The following NALF1 variants were observed in gnomAD, a reference collection of about 807,000 sequenced individuals.
NALF1 encodes the protein NALCN channel auxiliary factor 1, also known as family with sequence similarity 155 member A.
In NALF1, 3 loss-of-function variants were observed where a neutral mutation model predicts 48.4. The observed-to-expected ratio is 0.06, with a 90% CI of 0.03 to 0.16. The LOEUF (loss-of-function observed/expected upper bound fraction) is 0.16. Ranked by LOEUF, NALF1 falls within the 10% of genes least tolerant of loss-of-function variation. The pLI, the probability that NALF1 is intolerant of heterozygous loss-of-function variation, is 1.00. For synonymous variants in NALF1, 262 were observed against 245.7 expected (o/e 1.07, Z -0.62); for missense variants, 526 against 571.5 (o/e 0.92, Z 0.81).
intron 1 of NALF1, among the ~76,000 whole-genome samples, chr13:107,229,665 C>T (rs569850722): frequency 1.3e-5 from 2 of 152,180 alleles, no homozygotes; most frequent in African/African-American, 4.8e-5. Context: ...ATATTTTTAT[C>T]CCTGGTGTTA....
At chr13:107,694,126 T>A in intron 1 of NALF1, among the ~76,000 whole-genome samples, 1 of 152,184 alleles carries the variant, frequency 6.6e-6, no homozygotes, top group East Asian at 1.9e-4. Context: ...GAAGCAGTAC[T>A]TGTTAGAAAC....
At chr13:107,219,072 G>A (rs1268859001) in intron 1 of NALF1, among the ~76,000 whole-genome samples, 1 of 152,192 alleles carries the variant, frequency 6.6e-6, no homozygotes, top group East Asian at 1.9e-4. Context: ...GGATTATCAT[G>A]TTAGTGACGA....
chr13:107,507,264 G>C (rs2139084053), intron 1 of NALF1, among the ~76,000 whole-genome samples: 1 of 152,174 alleles, frequency 6.6e-6, no homozygotes, highest in East Asian at 1.9e-4. Context: ...CTACAGGTTT[G>C]TAGGTAACTG....
At chr13:107,535,358 A>T in intron 1 of NALF1, among the ~76,000 whole-genome samples, 1 of 152,102 alleles carries the variant, frequency 6.6e-6, no homozygotes. Context: ...ACGTCCCATC[A>T]ATACCTAATT....
chr13:107,533,158 G>A (rs1876694109), intron 1 of NALF1, among the ~76,000 whole-genome samples: 1 of 152,000 alleles, frequency 6.6e-6, no homozygotes, highest in Non-Finnish European at 1.5e-5. Flanking sequence ...GCTCAGTTTT[G>A]CCCCTTTCTT....
rs531744349 is a variant in NALF1, at chr13:107,690,898, G to A, written c.915+174784C>T. On this transcript the variant is annotated intron_variant, in intron 1 of 2. Transcript: ENST00000375915. ...TTCACCCATGCATTCTTACGGTGAT[G>A]TGGAAAATCTATTTAGCTTTACATA... 2.6e-5 allele frequency among the ~76,000 whole-genome samples: 4 copies of A among 152,290 alleles called. No homozygotes were observed. The South Asian group carries it at 8.3e-4, about 32-fold the overall frequency.
chr13:107,359,494 A>T (rs559587859), intron 1 of NALF1, among the ~76,000 whole-genome samples: 1 of 152,280 alleles, frequency 6.6e-6, no homozygotes, highest in South Asian at 2.1e-4. Context: ...TTAAAAGTGG[A>T]CAGTTTAATA....
Position 107,310,739 on chromosome 13 carries a change from G to C in NALF1, c.916-99984C>G, listed in dbSNP as rs772621739. 2.0e-5 allele frequency among the ~76,000 whole-genome samples: 3 copies of C among 152,032 alleles called. No homozygotes were observed. The East Asian group carries it at 5.8e-4, about 30-fold the overall frequency. ...GTCGCCCAGTCTGGAGTACAGTAGCGTGATCTTGGCTCACTGCAACCTCTG... is the reference window on the plus strand; with the variant it reads ...GTCGCCCAGTCTGGAGTACAGTAGCCTGATCTTGGCTCACTGCAACCTCTG... On this transcript the variant is annotated intron_variant, in intron 1 of 2. Coordinates refer to ENST00000375915, the MANE Select transcript of NALF1 (RefSeq NM_001080396.3).
chr13:107,358,331 C>G (rs1440156340), intron 1 of NALF1, among the ~76,000 whole-genome samples: 1 of 152,102 alleles, frequency 6.6e-6, no homozygotes, highest in Non-Finnish European at 1.5e-5. Context: ...TCTGCAGTTG[C>G]CAAGAGAAGA....
chr13:107,702,219 T>C (rs1329224306), intron 1 of NALF1, among the ~76,000 whole-genome samples: 3 of 151,442 alleles, frequency 2.0e-5, no homozygotes, highest in Non-Finnish European at 4.4e-5. Flanking sequence ...CATTAGCGAA[T>C]TTATTAAACT....
chr13:107,262,388 C>A (rs976136662), intron 1 of NALF1, among the ~76,000 whole-genome samples: 2 of 152,102 alleles, frequency 1.3e-5, no homozygotes, highest in African/African-American at 4.8e-5. Context: ...ACACTCCAAC[C>A]TGAATGACAG....
At chr13:107,787,225 T>C (rs565830149) in intron 1 of NALF1, among the ~76,000 whole-genome samples, 2 of 152,318 alleles carry the variant, frequency 1.3e-5, no homozygotes, top group South Asian at 4.1e-4. Context: ...ACAGAATATA[T>C]TCTTATGTTG....
intron 1 of NALF1, among the ~76,000 whole-genome samples, chr13:107,864,032 AG>A (rs992813665): frequency 6.6e-6 from 1 of 152,240 alleles, no homozygotes; most frequent in Non-Finnish European, 1.5e-5. Context: ...TTTTATTACT[AG>A]TAGAATTAGA....
chr13:107,731,983 GC>G (rs1204139077), intron 1 of NALF1, among the ~76,000 whole-genome samples: 1 of 152,056 alleles, frequency 6.6e-6, no homozygotes, highest in Non-Finnish European at 1.5e-5. Context: ...TGAAGAACAA[GC>G]AAAAAAATAG....
intron 1 of NALF1, among the ~76,000 whole-genome samples, chr13:107,725,293 A>C (rs1442456317): frequency 6.6e-6 from 1 of 152,142 alleles, no homozygotes; most frequent in African/African-American, 2.4e-5. Context: ...TAACCTACTA[A>C]ACTTTTTTTA....
chr13:107,168,670 G>T lies in NALF1; in HGVS notation c.*1827C>A, dbSNP rs1250471117. ...TAAACAATTCTAGCAATTTTATTAA[G>T]CAATACCTTTATTATTTTTGAATAT... On this transcript the variant is annotated 3_prime_UTR_variant, in exon 3 of 3. Transcript: ENST00000375915. 2.0e-5 allele frequency: 3 copies of T among 152,452 alleles called. No individual in the cohort carries two copies. The highest frequency in any genetic ancestry group is 4.4e-5 in the Non-Finnish European group (3 of 68,020). 9.4% of individuals were successfully genotyped at this position (152,452 alleles called of 1,614,324 possible).
chr13:107,328,380 G>A (rs1009959722), intron 1 of NALF1, among the ~76,000 whole-genome samples: 4 of 151,790 alleles, frequency 2.6e-5, no homozygotes, highest in Middle Eastern at 3.4e-3. Flanking sequence ...CATCCTCTGT[G>A]CTTAGTGTAT....
Position 107,167,911 on chromosome 13 carries a change from A to G in NALF1, c.*2586T>C, listed in dbSNP as rs1036656956. Reference sequence around the variant, plus strand: ...CTTGTCTTTGTAAAGAACTTTAGTCAGTTCAAAATATATTGAGAAAATGAA... The same window carrying G: ...CTTGTCTTTGTAAAGAACTTTAGTCGGTTCAAAATATATTGAGAAAATGAA... On this transcript the variant is annotated 3_prime_UTR_variant, in exon 3 of 3. Transcript: ENST00000375915. The G allele has an allele frequency of 6.6e-6, 1 of 152,248 alleles. No individual in the cohort carries two copies. The highest frequency in any genetic ancestry group is 2.1e-4 in the South Asian group (1 of 4,830). 9.4% of individuals were successfully genotyped at this position (152,248 alleles called of 1,614,324 possible). A position where few individuals can be genotyped will look rare whatever the true frequency, so the allele number is the denominator to read the frequency against.
At position 107,406,065 on chromosome 13, in the gene NALF1, T is replaced by C. The variant is rs552193419; in HGVS notation, c.916-195310A>G. Among the ~76,000 whole-genome samples, 5 of 152,214 alleles carry C rather than the reference T, an allele frequency of 3.3e-5. No homozygotes were observed. In the East Asian group the frequency reaches 9.7e-4, roughly 29 times the overall value. On this transcript the variant is annotated intron_variant, in intron 1 of 2. Coordinates refer to ENST00000375915, the MANE Select transcript of NALF1 (RefSeq NM_001080396.3). ...CACCACCACTACCTAGAACCACTTC[T>C]TGTCTTCTGACTGACAAGGCTATCC...
Sources: gnomAD v4.1 joint callset for allele counts (sites outside exome capture counted in the v4.1 genomes callset) on GRCh38, gnomAD v4.1.1 for gene constraint, MANE v1.5 for transcripts, NCBI Gene and HGNC (gene_info 2026-07-23, HGNC 2026-07-21) for gene names.